DDX6: variants seen among roughly 807,000 people sequenced by gnomAD.
DDX6 encodes the protein DEAD-box helicase 6, also known as probable ATP-dependent RNA helicase DDX6.
DDX6 carries 7 observed loss-of-function variants against 60.6 expected under a neutral mutation model. The observed-to-expected ratio is 0.12, with a 90% CI of 0.07 to 0.22. The LOEUF is 0.22. DDX6 is among the 10% of genes least tolerant of loss of function. The pLI, the probability that DDX6 is intolerant of heterozygous loss-of-function variation, is 1.00. For missense variants in DDX6, 270 were observed against 589.9 expected (o/e 0.46, Z 5.62); for synonymous variants, 207 against 201.0 (o/e 1.03, Z -0.25).
rs1338512575 is a variant in DDX6, at chr11:118,747,832, C to A, written c.*4273G>T. ...CAAGATTTTACCATATTTTTGGAACCTTATAAACTCAGCAGACTCCGGTCC... is the reference window on the plus strand; with the variant it reads ...CAAGATTTTACCATATTTTTGGAACATTATAAACTCAGCAGACTCCGGTCC... On this transcript the variant is annotated 3_prime_UTR_variant, in exon 14 of 14. Coordinates refer to ENST00000534980, the MANE Select transcript of DDX6 (RefSeq NM_004397.6). The A allele has an allele frequency of 6.6e-6, 1 of 151,146 alleles. No individual in the cohort carries two copies. Among genetic ancestry groups the A allele is most frequent in the Admixed American group, 6.6e-5 (1 of 15,164 alleles). 9.4% of individuals were successfully genotyped at this position (151,146 alleles called of 1,614,324 possible). A position where few individuals can be genotyped will look rare whatever the true frequency, so the allele number is the denominator to read the frequency against.
intron 1 of DDX6, chr11:118,790,183 G>GA (rs1053393356): frequency 2.0e-5 from 3 of 152,140 alleles, no homozygotes; most frequent in African/African-American, 7.2e-5. Context: ...AGAGATACGG[G>GA]AAAGAGTCAT....
intron 2 of DDX6, among the ~76,000 whole-genome samples, chr11:118,785,104 C>A (rs932343687): frequency 4.6e-5 from 7 of 152,180 alleles, no homozygotes; most frequent in Admixed American, 3.3e-4. Context: ...CAAACATCAA[C>A]TGGAGTCAAG....
At chr11:118,775,872 T>C (rs1309401574) in intron 4 of DDX6, among the ~76,000 whole-genome samples, 8 of 152,212 alleles carry the variant, frequency 5.3e-5, no homozygotes, top group Admixed American at 5.2e-4. Flanking sequence ...GGTTCACATC[T>C]ATAATTCTAG....
rs1555159566 is a variant in DDX6, at chr11:118,758,817, G to A, written c.950C>T (p.Thr317Ile). 1.2e-6 allele frequency: 2 copies of A among 1,613,820 alleles called. No homozygotes were observed. The highest frequency in any genetic ancestry group is 1.7e-6 in the Non-Finnish European group (2 of 1,179,822). ...KGVTQYYAYVTERQKVHCLNT... is the reference protein window; with the variant it reads ...KGVTQYYAYVIERQKVHCLNT... ...GAGGCAGTGTACTTTTTGGCGCTCA[G>A]TTACATATGCGTAGTACTGGGTTAC... is the stretch of plus-strand genomic sequence containing the variant. Residue 317 changes from threonine (T) to isoleucine (I), a missense_variant, in exon 9 of 14, where the codon ACT (threonine) becomes ATT (isoleucine). Thr to Ile is a moderately conservative substitution (Grantham distance 89). This residue lies in a region of DDX6 where 69 missense variants were observed against 208.2 expected (regional missense o/e 0.33). Transcript: ENST00000534980.
intron 8 of DDX6, among the ~76,000 whole-genome samples, chr11:118,759,576 A>G (rs1045531990): frequency 2.6e-5 from 4 of 152,200 alleles, no homozygotes. Flanking sequence ...GTGGCTCAAA[A>G]GGTTTCAAAT....
chr11:118,766,254 C>T (rs1861350326), intron 5 of DDX6, among the ~76,000 whole-genome samples: 1 of 151,296 alleles, frequency 6.6e-6, no homozygotes, highest in African/African-American at 2.4e-5. Flanking sequence ...TAGCAAGACC[C>T]CATCTCTACT....
intron 7 of DDX6, among the ~76,000 whole-genome samples, chr11:118,760,509 A>G (rs782389375): frequency 1.3e-5 from 2 of 152,118 alleles, no homozygotes; most frequent in Non-Finnish European, 2.9e-5. Context: ...TTAAAGAGGT[A>G]GTATGGTGTA....
At chr11:118,760,164 G>A in intron 7 of DDX6, 120 bp from the exon 8 acceptor site, 1 of 954,552 alleles carries the variant, frequency 1.0e-6, no homozygotes, top group Non-Finnish European at 1.5e-6. Flanking sequence ...GTTCCTGGTG[G>A]AAAACAATAA....
At chr11:118,775,387 T>TA (rs1861665058) in intron 4 of DDX6, among the ~76,000 whole-genome samples, 1 of 152,142 alleles carries the variant, frequency 6.6e-6, no homozygotes, top group Non-Finnish European at 1.5e-5. Flanking sequence ...AATAAAAATT[T>TA]AAAAAATTTT....
At chr11:118,765,671 AG>A (rs1861327089) in intron 5 of DDX6, among the ~76,000 whole-genome samples, 1 of 152,170 alleles carries the variant, frequency 6.6e-6, no homozygotes, top group South Asian at 2.1e-4. Context: ...CCTACTCAGG[AG>A]GCTGAGGCAG....
chr11:118,765,293 T>C lies in DDX6; in HGVS notation c.562A>G (p.Ser188Gly), dbSNP rs371176589. ...ACTTTGGCCCCTCCCATGTGTTTGCTGACCTGGATGCAAATTTGACTGACC... is the reference window on the plus strand; with the variant it reads ...ACTTTGGCCCCTCCCATGTGTTTGCCGACCTGGATGCAAATTTGACTGACC... The part of the protein sequence containing the change: ...LQVSQICIQV[S>G]KHMGGAKVMA... The change falls in exon 6 of 14, where the codon AGC (serine) becomes GGC (glycine). Residue 188 changes from serine to glycine, a missense_variant. Physicochemically the swap from Ser to Gly is moderately conservative, Grantham distance 56. Around this residue, in one of 8 missense-constraint regions of DDX6, gnomAD observed 17 missense variants for 81.7 expected, o/e 0.21. Coordinates refer to ENST00000534980, the MANE Select transcript of DDX6 (RefSeq NM_004397.6). The C allele has an allele frequency of 6.2e-7, 1 of 1,613,630 alleles. No individual in the cohort carries two copies. Among genetic ancestry groups the C allele is most frequent in the Non-Finnish European group, 8.5e-7 (1 of 1,179,888 alleles).
chr11:118,768,005 T>A, intron 5 of DDX6: 1 of 470,642 alleles, frequency 2.1e-6, no homozygotes. Flanking sequence ...CAAGTGTGTA[T>A]CATATAAGAA....
At chr11:118,776,741 G>A (rs1468447299) in intron 4 of DDX6, among the ~76,000 whole-genome samples, 1 of 151,914 alleles carries the variant, frequency 6.6e-6, no homozygotes, top group Non-Finnish European at 1.5e-5. Context: ...GCTGAGGCAG[G>A]GGAATCGCGT....
chr11:118,757,313 A>T (rs1555159186), intron 9 of DDX6, 26 bp from the exon 10 acceptor site: 1 of 1,311,760 alleles, frequency 7.6e-7, no homozygotes. Context: ...AATAAGTATG[A>T]GAAAAATAAA....
rs1324800296 is a variant in DDX6 at position 118,786,366 on chromosome 11, C to CAA, written c.-117_-116dup. Reference sequence around the variant, plus strand: ...TGAAGAGATAAATATAAGTCTTGCTCAATAAATGAGTCCTTTATTGCAATG... The same window carrying CAA: ...TGAAGAGATAAATATAAGTCTTGCTCAAAATAAATGAGTCCTTTATTGCAATG... On this transcript the variant is annotated 5_prime_UTR_variant, in exon 2 of 14. Transcript: ENST00000534980. 1.1e-6 allele frequency: 1 copy of CAA among 883,674 alleles called. No homozygotes were observed. Among genetic ancestry groups the CAA allele is most frequent in the African/African-American group, 1.7e-5 (1 of 58,914 alleles). The allele number at this position is 883,674 out of a possible 1,614,324, so 54.7% of individuals were successfully genotyped here.
intron 3 of DDX6, 105 bp from the exon 4 acceptor site, chr11:118,779,841 C>T (rs2137529957): frequency 2.6e-6 from 2 of 776,356 alleles, no homozygotes; most frequent in African/African-American, 3.5e-5. Context: ...CTGGGCCAGG[C>T]ATGGTGGCTC....
intron 2 of DDX6, among the ~76,000 whole-genome samples, chr11:118,782,513 CA>C (rs1861933374): frequency 6.6e-6 from 1 of 152,008 alleles, no homozygotes; most frequent in Non-Finnish European, 1.5e-5. Context: ...CCAGAGTCCC[CA>C]AAACATCTCA....
intron 2 of DDX6, among the ~76,000 whole-genome samples, chr11:118,784,378 G>A (rs1862004596): frequency 6.6e-6 from 1 of 151,740 alleles, no homozygotes; most frequent in Non-Finnish European, 1.5e-5. Flanking sequence ...GATCTAGGTT[G>A]TAATAAAACA....
At chr11:118,758,507 G>A (rs1861054059) in intron 9 of DDX6, among the ~76,000 whole-genome samples, 1 of 152,120 alleles carries the variant, frequency 6.6e-6, no homozygotes, top group African/African-American at 2.4e-5. Context: ...CCAAGTAGCT[G>A]GGATTATGGG....
Sources: allele counts gnomAD v4.1 joint callset (sites outside exome capture counted in the v4.1 genomes callset), GRCh38; gene constraint gnomAD v4.1.1; regional missense constraint gnomAD v4.1.1; transcripts MANE v1.5; gene names NCBI Gene and HGNC (gene_info 2026-07-23, HGNC 2026-07-21).